The following DENND1A variants were observed in gnomAD, a reference collection of about 807,000 sequenced individuals.
The protein encoded by DENND1A is DENN domain-containing protein 1A.
Under a neutral mutation model 113.7 loss-of-function variants are expected in DENND1A, and 51 were observed. The ratio of observed to expected loss-of-function variants is 0.45; its 90% confidence interval spans 0.36 to 0.57. DENND1A has a LOEUF of 0.57. DENND1A is among the 20% of genes least tolerant of loss of function. DENND1A has a pLI of 0.00. For missense variants in DENND1A, 1,258 were observed against 1,395.9 expected (o/e 0.90, Z 1.57); for synonymous variants, 565 against 570.8 (o/e 0.99, Z 0.14).
intron 13 of DENND1A, among the ~76,000 whole-genome samples, chr9:123,512,518 G>A (rs1053951254): frequency 1.3e-5 from 2 of 152,216 alleles, no homozygotes; most frequent in African/African-American, 4.8e-5. Context: ...CCTCAGCATC[G>A]TGGGGACTAG....
At chr9:123,628,740 A>C (rs947887694) in intron 10 of DENND1A, among the ~76,000 whole-genome samples, 1 of 152,226 alleles carries the variant, frequency 6.6e-6, no homozygotes, top group South Asian at 2.1e-4. Flanking sequence ...AAAATAAACC[A>C]AAGTATGAAG....
intron 11 of DENND1A, among the ~76,000 whole-genome samples, chr9:123,595,201 T>C (rs1237762376): frequency 6.6e-6 from 1 of 152,128 alleles, no homozygotes; most frequent in African/African-American, 2.4e-5. Context: ...AGGAGGGAAG[T>C]GGTGTAAGCA....
chr9:123,618,538 G>A (rs7028635), intron 10 of DENND1A, among the ~76,000 whole-genome samples: 42 of 152,294 alleles, frequency 2.8e-4, no homozygotes, highest in African/African-American at 8.2e-4. Flanking sequence ...TGCCCCTCCC[G>A]ACATTAGGCA....
chr9:123,610,547 T>C (rs1331876891), intron 10 of DENND1A, among the ~76,000 whole-genome samples: 2 of 152,162 alleles, frequency 1.3e-5, no homozygotes, highest in Admixed American at 6.5e-5. Flanking sequence ...TGCTTTCCTT[T>C]GGGTTAGGGG....
At chr9:123,636,901 G>T (rs2061732952) in intron 9 of DENND1A, among the ~76,000 whole-genome samples, 1 of 151,972 alleles carries the variant, frequency 6.6e-6, no homozygotes, top group Non-Finnish European at 1.5e-5. Flanking sequence ...TCTCCATGTT[G>T]GTCAGGCTGG....
chr9:123,382,984 C>T (rs1183706343), intron 23 of DENND1A, among the ~76,000 whole-genome samples: 1 of 152,220 alleles, frequency 6.6e-6, no homozygotes, highest in Admixed American at 6.5e-5. Flanking sequence ...AGACTCAGGG[C>T]CTGGTAGGAG....
At chr9:123,812,785 T>A (rs898556361) in intron 2 of DENND1A, among the ~76,000 whole-genome samples, 32 of 152,198 alleles carry the variant, frequency 2.1e-4, no homozygotes, top group Admixed American at 1.3e-4. Context: ...ATCTAAAAAA[T>A]TTCTTTCTTT....
At chr9:123,702,372 G>C (rs530309153) in intron 5 of DENND1A, among the ~76,000 whole-genome samples, 2 of 152,264 alleles carry the variant, frequency 1.3e-5, no homozygotes, top group East Asian at 1.9e-4. Flanking sequence ...GAAAGATAAA[G>C]AGGTAGGAAA....
At chr9:123,881,648 C>A (rs4838080) in intron 1 of DENND1A, among the ~76,000 whole-genome samples, 15,211 of 152,128 alleles carry the variant, frequency 0.1, 835 homozygotes, top group Admixed American at 0.12. Context: ...AATGAGCATG[C>A]AAAGGTGTTA....
chr9:123,846,100 A>G (rs1414470478), intron 2 of DENND1A, among the ~76,000 whole-genome samples: 1 of 152,360 alleles, frequency 6.6e-6, no homozygotes, highest in South Asian at 2.1e-4. Context: ...GATGCTCAAT[A>G]TAATTAGGCA....
In DENND1A at chr9:123,741,193, C is replaced by T. The variant is rs535477704; in HGVS notation, c.302+16510G>A. Among the ~76,000 whole-genome samples, 154 of 152,248 alleles carry T rather than the reference C, an allele frequency of 1.0e-3. 1 individual carries two copies. The highest frequency in any genetic ancestry group is 3.6e-3 in the African/African-American group (148 of 41,544). Reference sequence around the variant, plus strand: ...CTGAAATCATGCCAAACCTCAGCAACTTTTAAAAGTGATAAGTCTGCTAGA... The same window carrying T: ...CTGAAATCATGCCAAACCTCAGCAATTTTTAAAAGTGATAAGTCTGCTAGA... On this transcript the variant is annotated intron_variant, in intron 5 of 23. Transcript: ENST00000394215.
chr9:123,574,188 T>G (rs547158318), intron 12 of DENND1A, among the ~76,000 whole-genome samples: 168 of 150,234 alleles, frequency 1.1e-3, no homozygotes, highest in South Asian at 6.5e-3. Flanking sequence ...TTTTTTTTTT[T>G]TTTGTTTGTA....
chr9:123,846,449 A>G (rs908789612), intron 2 of DENND1A, among the ~76,000 whole-genome samples: 1 of 152,256 alleles, frequency 6.6e-6, no homozygotes, highest in African/African-American at 2.4e-5. Context: ...AGATAACCAA[A>G]TTGTCCATCA....
At chr9:123,450,669 A>G in intron 18 of DENND1A, 24 bp downstream of exon 18, 2 of 1,603,686 alleles carry the variant, frequency 1.2e-6, no homozygotes, top group Non-Finnish European at 1.7e-6. Flanking sequence ...GTGCTTATAC[A>G]TTTTGAATAA....
intron 13 of DENND1A, among the ~76,000 whole-genome samples, chr9:123,545,062 T>C (rs1035391470): frequency 1.3e-5 from 2 of 151,178 alleles, no homozygotes; most frequent in Non-Finnish European, 2.9e-5. Flanking sequence ...CGCGCCACTG[T>C]ACTCCAGCCT....
intron 12 of DENND1A, among the ~76,000 whole-genome samples, chr9:123,576,264 A>G (rs974457315): frequency 2.0e-5 from 3 of 152,222 alleles, no homozygotes; most frequent in African/African-American, 4.8e-5. Context: ...TTACCAGCAG[A>G]ATACCTCCAC....
At chr9:123,593,585 C>T (rs748225677) in intron 11 of DENND1A, among the ~76,000 whole-genome samples, 1 of 152,162 alleles carries the variant, frequency 6.6e-6, no homozygotes, top group South Asian at 2.1e-4. Flanking sequence ...GTGAGAGGGG[C>T]ACACTTGATG....
chr9:123,728,509 A>AAAAAAAAAAAAAAAACAAC (rs1349725805), intron 5 of DENND1A, among the ~76,000 whole-genome samples: 1 of 147,048 alleles, frequency 6.8e-6, no homozygotes, highest in African/African-American at 2.6e-5. Context: ...AAAAAAAAAA[A>AAAAAAAAAAAAAAAACAAC]ACAGGCATCA....
chr9:123,746,694 G>C (rs979610855), intron 5 of DENND1A, among the ~76,000 whole-genome samples: 9 of 152,160 alleles, frequency 5.9e-5, no homozygotes, highest in African/African-American at 2.2e-4. Context: ...CAAGTTCATG[G>C]GAGTCCTTGA....
Sources: allele counts gnomAD v4.1 joint callset (sites outside exome capture counted in the v4.1 genomes callset), GRCh38; gene constraint gnomAD v4.1.1; transcripts MANE v1.5; gene names NCBI Gene and HGNC (gene_info 2026-07-23, HGNC 2026-07-21).